LTBP3: variants seen among roughly 807,000 people sequenced by gnomAD.
LTBP3 encodes latent-transforming growth factor beta-binding protein 3.
Under a neutral mutation model 159.7 loss-of-function variants are expected in LTBP3, and 97 were observed. The observed-to-expected ratio is 0.61, with a 90% CI of 0.52 to 0.72. The LOEUF is 0.72. Among genes scored for constraint, LTBP3 ranks in the 30% least tolerant of loss-of-function variants. The probability of loss-of-function intolerance (pLI) is 0.00; values close to 1 mark genes in which losing one functional copy is unlikely to be tolerated. For synonymous variants in LTBP3, 824 were observed against 777.1 expected (o/e 1.06, Z -1.00); for missense variants, 1,584 against 1,864.3 (o/e 0.85, Z 2.77).
rs1246540904 is a variant in LTBP3 at position 65,541,173 on chromosome 11, C to T, written c.2846G>A (p.Gly949Asp). 9 of 1,597,544 alleles carry T rather than the reference C, an allele frequency of 5.6e-6. No individual in the cohort carries two copies. Among genetic ancestry groups the T allele is most frequent in the Non-Finnish European group, 7.7e-6 (9 of 1,173,822 alleles). Reference sequence around the variant, plus strand: ...GTAGATTTCGCAGTGGTCGCCCCAGCCGGCCCCCAGAGAGCAGCAGCACTC... The same window carrying T: ...GTAGATTTCGCAGTGGTCGCCCCAGTCGGCCCCCAGAGAGCAGCAGCACTC... ...QQECCCSLGA[G>D]WGDHCEIYPC... Residue 949 changes from glycine to aspartate, a missense_variant, in exon 20 of 28, where the codon GGC becomes GAC. Coordinates refer to ENST00000301873, the MANE Select transcript of LTBP3 (RefSeq NM_001130144.3).
Position 65,554,515 on chromosome 11 carries a change from C to A in LTBP3, c.332-135G>T. 1 of 660,140 alleles carries A rather than the reference C, an allele frequency of 1.5e-6. No individual in the cohort carries two copies. The highest frequency in any genetic ancestry group is 2.7e-5 in the East Asian group (1 of 36,540). The allele number at this position is 660,140 out of a possible 1,614,324, so 40.9% of individuals were successfully genotyped here. On this transcript the variant is annotated intron_variant, in intron 1 of 27. Transcript: ENST00000301873. The surrounding 1 kb of genome is among the most constrained non-coding windows in gnomAD (Gnocchi z 5.3). Reference sequence around the variant, plus strand: ...ATACATCCTACATAGGGAAACTGCCCTCTCTAGGTTCCCCAACATCCTTAC... The same window carrying A: ...ATACATCCTACATAGGGAAACTGCCATCTCTAGGTTCCCCAACATCCTTAC...
At position 65,540,165 on chromosome 11, in the gene LTBP3, G is replaced by C. The variant is rs985706897; in HGVS notation, c.3245-12C>G. The C allele has an allele frequency of 2.6e-6, 4 of 1,535,154 alleles. No homozygotes were observed. In the African/African-American group the frequency reaches 5.5e-5, roughly 21 times the overall value. ...GCACTCGTCCACGTCTACGAACAGC[G>C]AGGGGGTGGGTGGGGGCCGTCACAG... is the stretch of plus-strand genomic sequence containing the variant. On this transcript the variant is annotated splice_polypyrimidine_tract_variant and intron_variant, in intron 23 of 27. Transcript: ENST00000301873.
chr11:65,557,982 A>AG lies in LTBP3; in HGVS notation c.-24dup, dbSNP rs1421582368. On this transcript the variant is annotated 5_prime_UTR_variant, in exon 1 of 28. Coordinates refer to ENST00000301873, the MANE Select transcript of LTBP3 (RefSeq NM_001130144.3). ...CATCCGGGGCCGCAGGACCCGGGGG[A>AG]GGGGGGGCGCGCCCGGGCGGGGCGA... is the stretch of plus-strand genomic sequence containing the variant. The AG allele has an allele frequency of 1.9e-5, 21 of 1,101,002 alleles. No homozygotes were observed. The highest frequency in any genetic ancestry group is 1.7e-4 in the South Asian group (4 of 23,100). The allele number at this position is 1,101,002 out of a possible 1,614,324, so 68.2% of individuals were successfully genotyped here. A position where few individuals can be genotyped will look rare whatever the true frequency, so the allele number is the denominator to read the frequency against.
intron 16 of LTBP3, 145 bp from the exon 17 acceptor site, chr11:65,543,694 G>C: frequency 1.9e-6 from 2 of 1,067,304 alleles, no homozygotes; most frequent in Admixed American, 1.8e-5. Context: ...CTTCTGGGTG[G>C]CACACAGTGC....
intron 16 of LTBP3, chr11:65,545,184 T>C (rs1227707109): frequency 5.4e-6 from 1 of 184,524 alleles, no homozygotes; most frequent in Non-Finnish European, 1.1e-5. Context: ...GCTTCCCAGA[T>C]GGTGCCCCTC....
In LTBP3 at chr11:65,546,343, A is replaced by G. The variant is rs1415184800; in HGVS notation, c.2353+99T>C. ...GAGCAGAGTCACCTGGGGATGAATG[A>G]GCCACCTTCCACCCACTGTTTACAG... On this transcript the variant is annotated intron_variant, in intron 16 of 27. Coordinates refer to ENST00000301873, the MANE Select transcript of LTBP3 (RefSeq NM_001130144.3). The surrounding 1 kb of genome is among the most constrained non-coding windows in gnomAD (Gnocchi z 4.0). The G allele has an allele frequency of 6.6e-6, 9 of 1,361,266 alleles. No individual in the cohort carries two copies. Among genetic ancestry groups the G allele is most frequent in the Non-Finnish European group, 8.7e-6 (9 of 1,035,306 alleles). The allele number at this position is 1,361,266 out of a possible 1,614,324, so 84.3% of individuals were successfully genotyped here. A position where few individuals can be genotyped will look rare whatever the true frequency, so the allele number is the denominator to read the frequency against.
rs1855968987 is a variant in LTBP3, at chr11:65,539,584, C to T, written c.3592G>A (p.Asp1198Asn). Reference sequence around the variant, plus strand: ...TTCCCCAACAGCAGGGGGCTTGTGTCCCAGAAGGAATTGCTCTCGCTCTGC... The same window carrying T: ...TTCCCCAACAGCAGGGGGCTTGTGTTCCAGAAGGAATTGCTCTCGCTCTGC... ...TSQSESNSFW[D>N]TSPLLLGKPP... is the part of the protein sequence containing the mutation. Residue 1198 changes from aspartate (D) to asparagine (N), a missense_variant, in exon 26 of 28, where the codon GAC becomes AAC. Asp to Asn is a conservative substitution (Grantham distance 23, BLOSUM62 1). This residue lies in a region of LTBP3 where 514 missense variants were observed against 530.3 expected (regional missense o/e 0.97). Coordinates refer to ENST00000301873, the MANE Select transcript of LTBP3 (RefSeq NM_001130144.3). The T allele has an allele frequency of 6.2e-7, 1 of 1,612,860 alleles. No homozygotes were observed. The highest frequency in any genetic ancestry group is 8.5e-7 in the Non-Finnish European group (1 of 1,179,368).
chr11:65,556,282 C>T (rs773277526), intron 1 of LTBP3, among the ~76,000 whole-genome samples: 22 of 152,150 alleles, frequency 1.4e-4, no homozygotes, highest in Admixed American at 2.6e-4. Flanking sequence ...AATCCCAGCA[C>T]TTTGGGAGGC....
At position 65,539,413 on chromosome 11, in the gene LTBP3, A is replaced by G; in HGVS notation, c.3675T>C (p.Ser1225=). The G allele has an allele frequency of 6.5e-7, 1 of 1,547,458 alleles. No individual in the cohort carries two copies. Among genetic ancestry groups the G allele is most frequent in the Non-Finnish European group, 8.7e-7 (1 of 1,145,030 alleles). Residue 1225 remains serine (S), a synonymous_variant, in exon 27 of 28, where the codon AGT becomes AGC. Coordinates refer to ENST00000301873, the MANE Select transcript of LTBP3 (RefSeq NM_001130144.3). The part of the protein sequence containing the change: ...EEDSDECRCV[S]GRCVPRPGGA... ...CGCCCGGCCGCGGCACGCAGCGGCC[A>G]CTCACGCAGCGACACTCGTCTGAAT... is the stretch of plus-strand genomic sequence containing the variant.
intron 10 of LTBP3, 49 bp from the exon 11 acceptor site, chr11:65,551,273 C>T (rs1214040258): frequency 6.6e-7 from 1 of 1,523,810 alleles, no homozygotes; most frequent in Admixed American, 2.0e-5. Context: ...ACTGAAGCCT[C>T]CCTTTCCACT....
At position 65,557,791 on chromosome 11, in the gene LTBP3, G is replaced by T; in HGVS notation, c.169C>A (p.Leu57Met). ...GERGAGGGGA[L>M]ARERFKVVFA... is the part of the protein sequence containing the mutation. ...ACCACCTTGAAGCGCTCGCGGGCCA[G>T]CGCCCCGCCCCCGCCTGCGCCCCGC... The change falls in exon 1 of 28, where the codon CTG (leucine) becomes ATG (methionine). Residue 57 changes from leucine to methionine, a missense_variant. Transcript: ENST00000301873. 6.3e-7 allele frequency: 1 copy of T among 1,583,916 alleles called. No individual in the cohort carries two copies.
rs959390214 is a variant in LTBP3 at position 65,540,096 on chromosome 11, G to A, written c.3302C>T (p.Pro1101Leu). The A allele has an allele frequency of 2.0e-5, 30 of 1,526,834 alleles. No homozygotes were observed. In the African/African-American group the frequency reaches 3.7e-4, roughly 19 times the overall value. The allele number at this position is 1,526,834 out of a possible 1,614,324, so 94.6% of individuals were successfully genotyped here. ...GCGACACTCGCAGCGGTAGGAGCCC[G>A]GCAGGTTGACGCAGCGGCCAGGGCG... Reference protein sequence around the residue: ...ACRPGRCVNLPGSYRCECRPP... With the variant: ...ACRPGRCVNLLGSYRCECRPP... The change falls in exon 24 of 28, where the codon CCG becomes CTG. Residue 1101 changes from proline to leucine, a missense_variant. Pro to Leu is a moderately conservative substitution (Grantham distance 98). Coordinates refer to ENST00000301873, the MANE Select transcript of LTBP3 (RefSeq NM_001130144.3).
rs772062656 is a variant in LTBP3 at position 65,552,153 on chromosome 11, C to T, written c.1350G>A (p.Ala450=). 5.0e-5 allele frequency: 80 copies of T among 1,614,000 alleles called. No individual in the cohort carries two copies. The Admixed American group carries it at 1.1e-3, about 22-fold the overall frequency. ...TCCCAGCTGGGCAGATCTCCTTGAA[C>T]GCAGCTGCAGTCAAGACAGCAGACA... The part of the protein sequence containing the change: ...CQRCPTDGTA[A]FKEICPAGKG... The change falls in exon 8 of 28, where the codon GCG becomes GCA. Residue 450 remains alanine, a synonymous_variant. Transcript: ENST00000301873. This position sits in a 1 kb window ranked among gnomAD's most constrained non-coding sequence, Gnocchi z 6.0.
In LTBP3 at chr11:65,558,080, G is replaced by A; in HGVS notation, c.-121C>T. The A allele has an allele frequency of 9.3e-7, 1 of 1,072,056 alleles. No homozygotes were observed. The highest frequency in any genetic ancestry group is 1.7e-5 in the African/African-American group (1 of 59,804). 66.4% of individuals were successfully genotyped at this position (1,072,056 alleles called of 1,614,324 possible). A position where few individuals can be genotyped will look rare whatever the true frequency, so the allele number is the denominator to read the frequency against. On this transcript the variant is annotated 5_prime_UTR_variant, in exon 1 of 28. Transcript: ENST00000301873. ...GTAGGGGGCAGCGAGGGAGGGCAGCGGGGGAAGCGGGCGGGAGGGGACCGC... is the reference window on the plus strand; with the variant it reads ...GTAGGGGGCAGCGAGGGAGGGCAGCAGGGGAAGCGGGCGGGAGGGGACCGC...
rs901488519 is a variant in LTBP3 at position 65,544,043 on chromosome 11, C to T, written c.2354-494G>A. On this transcript the variant is annotated intron_variant, in intron 16 of 27. Transcript: ENST00000301873. ...GCCGGCCTCCTGCAGCCTCAGTCCT[C>T]CTGTGGCTGTCAGCACCCACCTTCC... The T allele has an allele frequency of 6.6e-5, 13 of 196,134 alleles. No individual in the cohort carries two copies. In the East Asian group the frequency reaches 1.6e-3, roughly 24 times the overall value. 12.1% of individuals were successfully genotyped at this position (196,134 alleles called of 1,614,324 possible).
Position 65,551,152 on chromosome 11 carries a change from A to G in LTBP3, c.1694T>C (p.Val565Ala). Residue 565 changes from valine (V) to alanine (A), a missense_variant, in exon 11 of 28, where the codon GTA (valine) becomes GCA (alanine). This residue lies in a region of LTBP3 where 565 missense variants were observed against 677.7 expected (regional missense o/e 0.83). Coordinates refer to ENST00000301873, the MANE Select transcript of LTBP3 (RefSeq NM_001130144.3). ...LPDLPPSRSA[V>A]EIAPTQVTET... ...TGTGACCTGAGTGGGAGCGATCTCT[A>G]CGGCGCTGCGGGAAGGAGGCAAGTC... 6 of 1,553,984 alleles carry G rather than the reference A, an allele frequency of 3.9e-6. No homozygotes were observed. The highest frequency in any genetic ancestry group is 5.2e-6 in the Non-Finnish European group (6 of 1,148,948).
At chr11:65,548,263 C>A in intron 11 of LTBP3, 1 of 676,576 alleles carries the variant, frequency 1.5e-6, no homozygotes, top group Non-Finnish European at 2.6e-6. Context: ...AGCCGTATCA[C>A]CCCACACCCA....
At chr11:65,540,703 C>CGGGCGGGGCGTACAGGAG in intron 21 of LTBP3, 89 bp from the exon 22 acceptor site, 1 of 1,243,484 alleles carries the variant, frequency 8.0e-7, no homozygotes, top group South Asian at 1.3e-5. Flanking sequence ...AAGCCATCCC[C>CGGGCGGGGCGTACAGGAG]GGGCGGGGCC....
In LTBP3 at chr11:65,546,701, G is replaced by T; in HGVS notation, c.2230+97C>A. The T allele has an allele frequency of 6.6e-7, 1 of 1,524,498 alleles. No individual in the cohort carries two copies. The highest frequency in any genetic ancestry group is 1.2e-5 in the South Asian group (1 of 84,908). The allele number at this position is 1,524,498 out of a possible 1,614,324, so 94.4% of individuals were successfully genotyped here. ...CTCCCGGAAGGCCCCGCCCCCAGACGCCAATCACCACCGCTACCCCGCCCC... is the reference window on the plus strand; with the variant it reads ...CTCCCGGAAGGCCCCGCCCCCAGACTCCAATCACCACCGCTACCCCGCCCC... On this transcript the variant is annotated intron_variant, in intron 15 of 27. Transcript: ENST00000301873. This position sits in a 1 kb window ranked among gnomAD's most constrained non-coding sequence, Gnocchi z 4.0.
Sources: allele counts gnomAD v4.1 joint callset (sites outside exome capture counted in the v4.1 genomes callset), GRCh38; gene constraint gnomAD v4.1.1; regional missense constraint gnomAD v4.1.1; non-coding constraint Gnocchi (gnomAD v3.1); transcripts MANE v1.5; gene names NCBI Gene and HGNC (gene_info 2026-07-23, HGNC 2026-07-21).